Variants in SNX8 observed in about 807,000 individuals in gnomAD.
SNX8 encodes the protein sorting nexin-8.
A neutral mutation model predicts 51.6 loss-of-function variants in SNX8; 25 were observed. The ratio of observed to expected loss-of-function variants is 0.48; its 90% CI spans 0.35 to 0.68. The LOEUF is 0.68. Ranked by LOEUF, SNX8 falls within the 30% of genes least tolerant of loss-of-function variation. SNX8 has a pLI of 0.00. For missense variants in SNX8, 695 were observed against 624.0 expected, an observed-to-expected ratio of 1.11 and a Z score of -1.21; for synonymous variants, 324 against 277.0, an observed-to-expected ratio of 1.17 and a Z score of -1.68.
At chr7:2,346,027 C>T (rs1035257167) in intron 1 of SNX8, among the ~76,000 whole-genome samples, 10 of 152,020 alleles carry the variant, frequency 6.6e-5, no homozygotes, top group South Asian at 4.1e-4. Context: ...AGGCTGGTCT[C>T]GAACTCCTGA....
intron 1 of SNX8, among the ~76,000 whole-genome samples, chr7:2,300,488 C>A (rs187545799): frequency 6.6e-6 from 1 of 152,132 alleles, no homozygotes; most frequent in Non-Finnish European, 1.5e-5. Context: ...TCTTAGCTCA[C>A]TGTAGCCTCA....
At chr7:2,331,770 C>A (rs1778740426) in intron 1 of SNX8, among the ~76,000 whole-genome samples, 1 of 151,832 alleles carries the variant, frequency 6.6e-6, no homozygotes, top group Non-Finnish European at 1.5e-5. Context: ...AATACAGATA[C>A]TCCGCAGGCT....
At chr7:2,345,382 C>T (rs1385078918) in intron 1 of SNX8, among the ~76,000 whole-genome samples, 1 of 152,076 alleles carries the variant, frequency 6.6e-6, no homozygotes, top group Non-Finnish European at 1.5e-5. Context: ...ACAAATAAAA[C>T]TGAGGAAATC....
chr7:2,318,547 T>G, upstream of SNX8, among the ~76,000 whole-genome samples: 1 of 133,238 alleles, frequency 7.5e-6, no homozygotes, highest in African/African-American at 2.9e-5. Flanking sequence ...AAAAAAAAAA[T>G]TAGCTGGGCA....
intron 1 of SNX8, among the ~76,000 whole-genome samples, chr7:2,295,798 T>A (rs984147488): frequency 6.6e-6 from 1 of 152,150 alleles, no homozygotes; most frequent in East Asian, 1.9e-4. Context: ...TTCTTTTGCA[T>A]GTGGCTATCC....
chr7:2,340,916 G>A (rs1481470568), intron 1 of SNX8, among the ~76,000 whole-genome samples: 1 of 148,722 alleles, frequency 6.7e-6, no homozygotes, highest in East Asian at 2.0e-4. Flanking sequence ...GGGTACAGTG[G>A]CTCATGCTTG....
chr7:2,340,806 G>A (rs914074788), intron 1 of SNX8, among the ~76,000 whole-genome samples: 5 of 135,920 alleles, frequency 3.7e-5, no homozygotes, highest in Admixed American at 8.5e-5. Context: ...GCAGTGACCC[G>A]AGGTTGCGCC....
At chr7:2,349,027 A>AT (rs547160471) in intron 1 of SNX8, among the ~76,000 whole-genome samples, 7 of 148,272 alleles carry the variant, frequency 4.7e-5, no homozygotes, top group African/African-American at 7.5e-5. Flanking sequence ...ATGACTTTCA[A>AT]TTTTTTTTTC....
At chr7:2,339,760 T>C (rs925349949) in intron 1 of SNX8, among the ~76,000 whole-genome samples, 2 of 152,124 alleles carry the variant, frequency 1.3e-5, no homozygotes, top group South Asian at 2.1e-4. Context: ...GAAATTATTA[T>C]GCTATAATAT....
chr7:2,264,856 G>A (rs1198096345), intron 5 of SNX8, among the ~76,000 whole-genome samples: 6 of 151,954 alleles, frequency 3.9e-5, no homozygotes, highest in Admixed American at 6.6e-5. Flanking sequence ...CCAATATGGT[G>A]AAACCCCATC....
intron 1 of SNX8, among the ~76,000 whole-genome samples, chr7:2,303,334 G>A (rs559458619): frequency 4.6e-5 from 7 of 151,156 alleles, no homozygotes; most frequent in African/African-American, 1.7e-4. Context: ...GGGAGGTGGA[G>A]GGGTCAGCCC....
chr7:2,335,712 C>A (rs925570257), intron 1 of SNX8, among the ~76,000 whole-genome samples: 14 of 143,010 alleles, frequency 9.8e-5, no homozygotes, highest in African/African-American at 3.2e-4. Flanking sequence ...CTGAGGCAGG[C>A]GAATGGCGTG....
At chr7:2,346,737 C>CAAAAAAAAAAA (rs143462126) in intron 1 of SNX8, among the ~76,000 whole-genome samples, 2 of 45,324 alleles carry the variant, frequency 4.4e-5, no homozygotes, top group African/African-American at 8.5e-5. Flanking sequence ...GACTCCGTCT[C>CAAAAAAAAAAA]AAAAAAAAAA....
intron 4 of SNX8, among the ~76,000 whole-genome samples, chr7:2,270,236 T>C (rs951755436): frequency 7.3e-6 from 1 of 137,470 alleles, no homozygotes; most frequent in Admixed American, 8.4e-5. Flanking sequence ...GAAACCCTAA[T>C]ATGCAGCTGT....
chr7:2,258,306 C>T (rs1003057774), intron 7 of SNX8, among the ~76,000 whole-genome samples: 2 of 152,168 alleles, frequency 1.3e-5, no homozygotes, highest in Non-Finnish European at 2.9e-5. Context: ...TGAGCCACCG[C>T]GCTGGGCCTG....
At chr7:2,339,458 C>G (rs902061452) in intron 1 of SNX8, among the ~76,000 whole-genome samples, 5 of 151,936 alleles carry the variant, frequency 3.3e-5, no homozygotes, top group African/African-American at 7.3e-5. Context: ...ATCCACCCAC[C>G]CTGGCCTCCC....
upstream of SNX8, among the ~76,000 whole-genome samples, chr7:2,316,756 C>A (rs1796765081): frequency 6.6e-6 from 1 of 152,168 alleles, no homozygotes; most frequent in African/African-American, 2.4e-5. Context: ...CACCCACCCA[C>A]TCACTCACTG....
rs530767726 is a variant in SNX8 at position 2,270,530 on chromosome 7, C to T, written c.541-891G>A. 3.2e-4 allele frequency among the ~76,000 whole-genome samples: 49 copies of T among 152,106 alleles called. 1 individual carries two copies. Among genetic ancestry groups the T allele is most frequent in the Non-Finnish European group, 5.9e-4 (40 of 67,996 alleles). On this transcript the variant is annotated intron_variant, in intron 4 of 10. Coordinates refer to ENST00000222990, the MANE Select transcript of SNX8 (RefSeq NM_013321.4). ...GAGAATGATACCTGTGGGAAGGCCA[C>T]AGGGAACGTCCTGCCCCCAGAACAG... is the stretch of plus-strand genomic sequence containing the variant.
intron 1 of SNX8, among the ~76,000 whole-genome samples, chr7:2,320,795 C>G (rs564823028): frequency 6.6e-6 from 1 of 151,126 alleles, no homozygotes; most frequent in Non-Finnish European, 1.5e-5. Context: ...CCGAGGCGGG[C>G]GGATCACCTG....
Sources: allele counts gnomAD v4.1 joint callset (sites outside exome capture counted in the v4.1 genomes callset), GRCh38; gene constraint gnomAD v4.1.1; transcripts MANE v1.5; gene names NCBI Gene and HGNC (gene_info 2026-07-23, HGNC 2026-07-21).